The following EPM2A variants were observed in gnomAD, a reference collection of about 807,000 sequenced individuals.
EPM2A encodes EPM2A glucan phosphatase, laforin, also known as laforin.
Under a neutral mutation model 26.5 loss-of-function variants are expected in EPM2A, and 21 were observed. The ratio of observed to expected loss-of-function variants is 0.79; its 90% CI spans 0.56 to 1.14. EPM2A has a LOEUF of 1.14. EPM2A is among the 50% of genes most tolerant of loss of function. EPM2A has a pLI of 0.00. For missense variants in EPM2A, 458 were observed against 440.8 expected (o/e 1.04, Z -0.35); for synonymous variants, 217 against 177.6 (o/e 1.22, Z -1.76).
At chr6:145,505,466 GC>G (rs1349893466) in intron 2 of EPM2A, among the ~76,000 whole-genome samples, 1 of 151,900 alleles carries the variant, frequency 6.6e-6, no homozygotes, top group African/African-American at 2.4e-5. Context: ...GTAAGCTGCA[GC>G]CATGAATCTA....
Position 145,735,206 on chromosome 6 carries a change from G to A in EPM2A, c.293C>T (p.Ser98Phe). 6.6e-7 allele frequency: 1 copy of A among 1,524,338 alleles called. No individual in the cohort carries two copies. Among genetic ancestry groups the A allele is most frequent in the East Asian group, 2.6e-5 (1 of 38,442 alleles). 94.4% of individuals were successfully genotyped at this position (1,524,338 alleles called of 1,614,324 possible). The part of the protein sequence containing the change: ...FLKREPGGEL[S>F]WEGNGPHHDR... The stretch of plus-strand genomic sequence containing the variant: ...GCGTCTGCTGGCAATACCTTCCCAG[G>A]AGAGCTCTCCTCCCGGCTCCCGCTT... The change falls in exon 1 of 4, where the codon TCC becomes TTC. Residue 98 changes from serine (S) to phenylalanine (F), a missense_variant. Physicochemically the swap from Ser to Phe is radical, Grantham distance 155. Transcript: ENST00000367519.
intron 2 of EPM2A, among the ~76,000 whole-genome samples, chr6:145,662,605 AC>A (rs1778803809): frequency 6.6e-6 from 1 of 152,190 alleles, no homozygotes; most frequent in Non-Finnish European, 1.5e-5. Flanking sequence ...GTAGGAATTT[AC>A]AGTCAAGGAG....
intron 4 of EPM2A, among the ~76,000 whole-genome samples, chr6:145,396,354 T>C (rs1175443967): frequency 6.6e-6 from 1 of 152,118 alleles, no homozygotes; most frequent in Non-Finnish European, 1.5e-5. Flanking sequence ...CTAAAAACAG[T>C]TTCAGAGGCT....
At chr6:145,510,988 T>C (rs1385741847) in intron 2 of EPM2A, among the ~76,000 whole-genome samples, 1 of 151,818 alleles carries the variant, frequency 6.6e-6, no homozygotes, top group African/African-American at 2.4e-5. Context: ...GACTAGAAAA[T>C]CTAGAGAAAA....
In EPM2A at chr6:145,507,842, G is replaced by T. The variant is rs531031106; in HGVS notation, c.341-5267C>A. 1.3e-3 allele frequency among the ~76,000 whole-genome samples: 203 copies of T among 152,232 alleles called. 1 individual carries two copies. Among genetic ancestry groups the T allele is most frequent in the African/African-American group, 4.7e-3 (197 of 41,544 alleles). On this transcript the variant is annotated intron_variant, in intron 2 of 3. Transcript: ENST00000450221. The stretch of plus-strand genomic sequence containing the variant: ...TTGAAGCTGAGGATTCTCCTGGAGG[G>T]CAAGACTTACAGCCAGGGACAGCTT...
At chr6:145,706,430 C>T (rs1172417345) in intron 1 of EPM2A, among the ~76,000 whole-genome samples, 1 of 152,196 alleles carries the variant, frequency 6.6e-6, no homozygotes, top group Non-Finnish European at 1.5e-5. Context: ...CACTAAACTG[C>T]ATGCTATTTT....
At chr6:145,664,669 G>A (rs1166503042) in intron 2 of EPM2A, among the ~76,000 whole-genome samples, 4 of 152,156 alleles carry the variant, frequency 2.6e-5, no homozygotes, top group South Asian at 2.1e-4. Context: ...GGACCTAATC[G>A]ACATCTACAG....
chr6:145,560,294 G>C (rs949109117), intron 2 of EPM2A, among the ~76,000 whole-genome samples: 2 of 152,096 alleles, frequency 1.3e-5, no homozygotes, highest in African/African-American at 4.8e-5. Context: ...CATCAGAAAT[G>C]TCTCATAGCA....
At chr6:145,435,202 G>C (rs933103109) in intron 4 of EPM2A, among the ~76,000 whole-genome samples, 1 of 152,126 alleles carries the variant, frequency 6.6e-6, no homozygotes, top group Non-Finnish European at 1.5e-5. Context: ...TATGGAAGAA[G>C]TGAGGGAAGC....
intron 2 of EPM2A, among the ~76,000 whole-genome samples, chr6:145,532,747 C>T (rs1780376209): frequency 6.6e-6 from 1 of 152,126 alleles, no homozygotes. Flanking sequence ...CCGTACTCCA[C>T]CTCCCTGTAT....
chr6:145,392,138 G>C (rs1778345135), intron 4 of EPM2A, among the ~76,000 whole-genome samples: 1 of 152,266 alleles, frequency 6.6e-6, no homozygotes, highest in Non-Finnish European at 1.5e-5. Context: ...AAGCTTTGTT[G>C]GTCACAATGG....
Position 145,490,182 on chromosome 6 carries a change from C to G in EPM2A, c.555+12340G>C, listed in dbSNP as rs1356188092. ...AGAACTTCTTCCATTACTAGACGCT[C>G]TGAAATAGTGTCACTGAGATGCCTC... On this transcript the variant is annotated intron_variant, in intron 4 of 4. Coordinates refer to the EPM2A transcript ENST00000638717. 2.9e-6 allele frequency: 3 copies of G among 1,035,764 alleles called. No homozygotes were observed. The African/African-American group carries it at 4.8e-5, about 17-fold the overall frequency. 64.2% of individuals were successfully genotyped at this position (1,035,764 alleles called of 1,614,324 possible). A position where few individuals can be genotyped will look rare whatever the true frequency, so the allele number is the denominator to read the frequency against.
At chr6:145,613,067 C>T (rs1187386945) in intron 2 of EPM2A, among the ~76,000 whole-genome samples, 1 of 152,148 alleles carries the variant, frequency 6.6e-6, no homozygotes, top group African/African-American at 2.4e-5. Context: ...CAGAACTTAA[C>T]TCAAAATTGG....
chr6:145,489,767 T>A (rs1562355560), intron 4 of EPM2A: 2 of 1,435,918 alleles, frequency 1.4e-6, no homozygotes, highest in Non-Finnish European at 2.0e-6. Context: ...CTTGGCTAGG[T>A]TCTCTCTTCT....
intron 2 of EPM2A, among the ~76,000 whole-genome samples, chr6:145,611,868 A>G (rs1275220173): frequency 2.0e-5 from 3 of 152,128 alleles, no homozygotes; most frequent in Admixed American, 6.5e-5. Context: ...AGAAGAAGAA[A>G]AAAAAACACT....
Position 145,625,470 on chromosome 6 carries a change from A to G in EPM2A, c.*1946T>C. On this transcript the variant is annotated 3_prime_UTR_variant, in exon 4 of 4. Transcript: ENST00000367519. ...GAACAAAGGTAAAAATCCACCTGAA[A>G]AAAGATCTTTGTATCATGGAAATTA... 1 of 521,908 alleles carries G rather than the reference A, an allele frequency of 1.9e-6. No homozygotes were observed. Among genetic ancestry groups the G allele is most frequent in the Admixed American group, 3.2e-5 (1 of 30,972 alleles). 32.3% of individuals were successfully genotyped at this position (521,908 alleles called of 1,614,324 possible). A position where few individuals can be genotyped will look rare whatever the true frequency, so the allele number is the denominator to read the frequency against.
At chr6:145,443,466 C>G (rs1197853604) in intron 4 of EPM2A, among the ~76,000 whole-genome samples, 2 of 151,922 alleles carry the variant, frequency 1.3e-5, no homozygotes, top group African/African-American at 2.4e-5. Flanking sequence ...AACTGTATTC[C>G]TAGACATTTT....
intron 1 of EPM2A, among the ~76,000 whole-genome samples, chr6:145,728,436 C>A (rs1250834986): frequency 6.6e-6 from 1 of 152,138 alleles, no homozygotes; most frequent in Non-Finnish European, 1.5e-5. Context: ...GTGGTCTCAG[C>A]TAGAGATAAG....
At chr6:145,518,612 A>G (rs1018647515) in intron 2 of EPM2A, among the ~76,000 whole-genome samples, 1 of 150,766 alleles carries the variant, frequency 6.6e-6, no homozygotes, top group Non-Finnish European at 1.5e-5. Context: ...AAAAAAAAAA[A>G]AAAAAAAAAA....
Sources: allele counts gnomAD v4.1 joint callset (sites outside exome capture counted in the v4.1 genomes callset), GRCh38; gene constraint gnomAD v4.1.1; transcripts MANE v1.5; gene names NCBI Gene and HGNC (gene_info 2026-07-23, HGNC 2026-07-21).